The following GRID1 variants were observed in gnomAD, a reference collection of about 807,000 sequenced individuals.
The protein encoded by GRID1 is glutamate ionotropic receptor delta type subunit 1.
In GRID1, 28 loss-of-function variants were observed where a neutral mutation model predicts 98.0. That is an observed-to-expected ratio of 0.29 (90% CI 0.21 to 0.39). The LOEUF (loss-of-function observed/expected upper bound fraction) is 0.39. Ranked by LOEUF, GRID1 falls within the 10% of genes least tolerant of loss-of-function variation. The pLI is 1.00. For synonymous variants in GRID1, 553 were observed against 538.5 expected, an observed-to-expected ratio of 1.03 and a Z score of -0.37; for missense variants, 1,111 against 1,340.5, an observed-to-expected ratio of 0.83 and a Z score of 2.67.
intron 4 of GRID1, among the ~76,000 whole-genome samples, chr10:86,042,207 C>T (rs1843356490): frequency 6.6e-6 from 1 of 152,232 alleles, no homozygotes; most frequent in Non-Finnish European, 1.5e-5. Context: ...AGAAAGATGG[C>T]TTTCGCAATC....
intron 6 of GRID1, among the ~76,000 whole-genome samples, chr10:85,867,079 C>T (rs1307879747): frequency 6.6e-6 from 1 of 152,170 alleles, no homozygotes; most frequent in East Asian, 1.9e-4. Context: ...CTTTGAACCC[C>T]TCAGTCTCTC....
intron 2 of GRID1, among the ~76,000 whole-genome samples, chr10:86,221,335 A>G (rs1798751639): frequency 6.6e-6 from 1 of 152,252 alleles, no homozygotes. Flanking sequence ...ATTTCTAGCC[A>G]TAATAGACAG....
chr10:86,184,264 C>A (rs1845696539), intron 3 of GRID1, among the ~76,000 whole-genome samples: 1 of 152,068 alleles, frequency 6.6e-6, no homozygotes, highest in South Asian at 2.1e-4. Context: ...TAAAATCTGG[C>A]TGATCAATTT....
chr10:86,002,420 T>C (rs1842812778), intron 4 of GRID1, among the ~76,000 whole-genome samples: 1 of 152,252 alleles, frequency 6.6e-6, no homozygotes, highest in Non-Finnish European at 1.5e-5. Flanking sequence ...TTTCCTATAA[T>C]ACAGGCTGCA....
At chr10:86,082,253 C>T (rs998553469) in intron 4 of GRID1, among the ~76,000 whole-genome samples, 3 of 152,124 alleles carry the variant, frequency 2.0e-5, no homozygotes, top group Admixed American at 2.0e-4. Flanking sequence ...GGAGGGAACA[C>T]GTGATATAAA....
At chr10:85,993,039 T>C (rs1272766627) in intron 4 of GRID1, among the ~76,000 whole-genome samples, 1 of 151,926 alleles carries the variant, frequency 6.6e-6, no homozygotes, top group East Asian at 1.9e-4. Flanking sequence ...TTGCAGGAGA[T>C]AAAGAAGATA....
At chr10:86,272,717 T>C (rs1847203724) in intron 2 of GRID1, among the ~76,000 whole-genome samples, 1 of 152,174 alleles carries the variant, frequency 6.6e-6, no homozygotes, top group Non-Finnish European at 1.5e-5. Flanking sequence ...TACAATAGAC[T>C]GCCTAAGACC....
chr10:85,851,321 A>G (rs2131778330), intron 8 of GRID1, among the ~76,000 whole-genome samples: 1 of 152,332 alleles, frequency 6.6e-6, no homozygotes, highest in Admixed American at 6.5e-5. Context: ...CAAGTACAAA[A>G]CAGACAATTA....
intron 12 of GRID1, among the ~76,000 whole-genome samples, chr10:85,719,712 G>T (rs114194273): frequency 5.9e-5 from 9 of 152,204 alleles, no homozygotes; most frequent in East Asian, 3.9e-4. Flanking sequence ...AGATTCGGGT[G>T]GGGGCACAGC....
intron 2 of GRID1, among the ~76,000 whole-genome samples, chr10:86,303,244 A>G (rs998516704): frequency 2.6e-5 from 4 of 152,282 alleles, no homozygotes; most frequent in African/African-American, 9.6e-5. Flanking sequence ...GATGAAGCAG[A>G]TATATGACAA....
chr10:85,774,586 G>A (rs1165470831), intron 8 of GRID1, among the ~76,000 whole-genome samples: 1 of 151,866 alleles, frequency 6.6e-6, no homozygotes, highest in East Asian at 1.9e-4. Context: ...TCTGACAAAG[G>A]GCTAATATCC....
At chr10:86,276,658 T>C (rs1013910722) in intron 2 of GRID1, among the ~76,000 whole-genome samples, 6 of 151,952 alleles carry the variant, frequency 3.9e-5, no homozygotes, top group Admixed American at 3.9e-4. Context: ...CCTAGCAAAT[T>C]TTTGTAGTTT....
intron 2 of GRID1, among the ~76,000 whole-genome samples, chr10:86,334,898 G>C (rs1461729115): frequency 6.6e-6 from 1 of 152,208 alleles, no homozygotes; most frequent in Non-Finnish European, 1.5e-5. Context: ...AGCGGTGCTG[G>C]CAGGTAAACC....
At chr10:86,355,014 G>A (rs1371801433) in intron 2 of GRID1, among the ~76,000 whole-genome samples, 1 of 152,194 alleles carries the variant, frequency 6.6e-6, no homozygotes, top group African/African-American at 2.4e-5. Context: ...GCCCAGAACA[G>A]GAAGTGAGAG....
chr10:86,222,086 G>A (rs535956859), intron 2 of GRID1, among the ~76,000 whole-genome samples: 3 of 152,180 alleles, frequency 2.0e-5, no homozygotes, highest in Non-Finnish European at 4.4e-5. Context: ...GCAGGACTAG[G>A]GAAGGGCACC....
At chr10:86,132,304 T>C (rs767609229) in intron 4 of GRID1, among the ~76,000 whole-genome samples, 1 of 152,234 alleles carries the variant, frequency 6.6e-6, no homozygotes, top group Non-Finnish European at 1.5e-5. Flanking sequence ...GTTCCCTTCC[T>C]GAACTCAGCC....
At chr10:86,033,663 GCCCT>G (rs1468064160) in intron 4 of GRID1, among the ~76,000 whole-genome samples, 2 of 152,206 alleles carry the variant, frequency 1.3e-5, no homozygotes, top group African/African-American at 4.8e-5. Context: ...GCCACCCGGA[GCCCT>G]CTCAGTTGGC....
chr10:85,653,727 G>T (rs896760154), intron 12 of GRID1, among the ~76,000 whole-genome samples: 11 of 152,180 alleles, frequency 7.2e-5, no homozygotes, highest in African/African-American at 2.7e-4. Context: ...GTCATCATGG[G>T]AGGGGAGATG....
intron 12 of GRID1, among the ~76,000 whole-genome samples, chr10:85,673,223 G>A (rs999135717): frequency 2.6e-5 from 4 of 152,210 alleles, no homozygotes; most frequent in Non-Finnish European, 4.4e-5. Context: ...GTGAACATTT[G>A]TTTCTTACAG....
Sources: gnomAD v4.1 joint callset for allele counts (sites outside exome capture counted in the v4.1 genomes callset) on GRCh38, gnomAD v4.1.1 for gene constraint, MANE v1.5 for transcripts, NCBI Gene and HGNC (gene_info 2026-07-23, HGNC 2026-07-21) for gene names.